MTOR: variants seen among roughly 807,000 people sequenced by gnomAD.
MTOR encodes the protein serine/threonine-protein kinase mTOR.
A neutral mutation model predicts 319.8 loss-of-function variants in MTOR; 70 were observed. The observed-to-expected ratio is 0.22, with a 90% CI of 0.18 to 0.27. MTOR has a LOEUF of 0.27. MTOR is among the 10% of genes least tolerant of loss of function. MTOR has a pLI of 1.00. For synonymous variants in MTOR, 1,183 were observed against 1,211.4 expected, an observed-to-expected ratio of 0.98 and a Z score of 0.49; for missense variants, 1,890 against 3,274.4, an observed-to-expected ratio of 0.58 and a Z score of 10.32.
At chr1:11,163,058 C>T (rs1185942152) in intron 29 of MTOR, among the ~76,000 whole-genome samples, 1 of 152,050 alleles carries the variant, frequency 6.6e-6, no homozygotes, top group Non-Finnish European at 1.5e-5. Context: ...TGCAGACACA[C>T]ACATAGGCTC....
chr1:11,182,799 A>G (rs144226021), intron 28 of MTOR, among the ~76,000 whole-genome samples: 83 of 152,354 alleles, frequency 5.4e-4, no homozygotes, highest in African/African-American at 1.9e-3. Flanking sequence ...ACGTCGCAAC[A>G]GCTTTTCCTT....
rs1648349403 is a variant in MTOR, at chr1:11,243,378, A to G, written c.1226-78T>C. 3.0e-6 allele frequency: 4 copies of G among 1,350,432 alleles called. 1 individual carries two copies. The South Asian group carries it at 5.3e-5, about 18-fold the overall frequency. The allele number at this position is 1,350,432 out of a possible 1,614,324, so 83.7% of individuals were successfully genotyped here. On this transcript the variant is annotated intron_variant, in intron 8 of 57. Coordinates refer to ENST00000361445, the MANE Select transcript of MTOR (RefSeq NM_004958.4). ...ATATCAACAGTCAAAGGTCCTATAA[A>G]GCAATTCAGTTTAAGAATAAATTAA...
At position 11,256,163 on chromosome 1, in the gene MTOR, G is replaced by A. The variant is rs1392232355; in HGVS notation, c.534C>T (p.Ser178=). ...CTTGCTGGAAGAAGAAGGTAGGGACGCTGATGGCCAGCTCACGGAGAACCA... is the reference window on the plus strand; with the variant it reads ...CTTGCTGGAAGAAGAAGGTAGGGACACTGATGGCCAGCTCACGGAGAACCA... The part of the protein sequence containing the change: ...AVLVLRELAI[S]VPTFFFQQVQ... Residue 178 remains serine (S), a synonymous_variant, in exon 5 of 58, where the codon AGC becomes AGT. Coordinates refer to ENST00000361445, the MANE Select transcript of MTOR (RefSeq NM_004958.4). The A allele has an allele frequency of 5.0e-6, 8 of 1,613,986 alleles. No individual in the cohort carries two copies. The highest frequency in any genetic ancestry group is 1.7e-5 in the Admixed American group (1 of 59,966).
chr1:11,196,868 A>G (rs946301361), intron 28 of MTOR, among the ~76,000 whole-genome samples: 1 of 152,036 alleles, frequency 6.6e-6, no homozygotes, highest in African/African-American at 2.4e-5. Context: ...AAAAAAGAAA[A>G]GAAAAGAAAA....
intron 28 of MTOR, among the ~76,000 whole-genome samples, chr1:11,192,701 C>A (rs556021096): frequency 1.4e-5 from 2 of 147,268 alleles, no homozygotes; most frequent in African/African-American, 5.0e-5. Context: ...GCCGAGATCA[C>A]GCCACTGCAC....
intron 29 of MTOR, among the ~76,000 whole-genome samples, chr1:11,162,560 A>G (rs1644509351): frequency 6.6e-6 from 1 of 152,250 alleles, no homozygotes; most frequent in Admixed American, 6.5e-5. Context: ...CACAAAGGGA[A>G]GCCCATCAGA....
chr1:11,195,277 T>C, intron 28 of MTOR: 1 of 407,180 alleles, frequency 2.5e-6, no homozygotes, highest in South Asian at 5.6e-5. Context: ...GTGGGGTCTC[T>C]CTGCCCAAGA....
At position 11,128,490 on chromosome 1, in the gene MTOR, G is replaced by A; in HGVS notation, c.5874C>T (p.His1958=). 1 of 1,614,202 alleles carries A rather than the reference G, an allele frequency of 6.2e-7. No homozygotes were observed. Among genetic ancestry groups the A allele is most frequent in the Non-Finnish European group, 8.5e-7 (1 of 1,180,048 alleles). ...TPRPLVGRLI[H]QLLTDIGRYH... ...ACCGACCAATGTCTGTGAGAAGCTG[G>A]TGAATGAGACGTCCCACCAAGGGTC... Residue 1958 remains histidine, a synonymous_variant, in exon 42 of 58, where the codon CAC becomes CAT. Coordinates refer to ENST00000361445, the MANE Select transcript of MTOR (RefSeq NM_004958.4). This position sits in a 1 kb window ranked among gnomAD's most constrained non-coding sequence, Gnocchi z 5.3.
At chr1:11,119,004 C>G (rs1431055268) in intron 49 of MTOR, among the ~76,000 whole-genome samples, 1 of 152,094 alleles carries the variant, frequency 6.6e-6, no homozygotes, top group African/African-American at 2.4e-5. Flanking sequence ...TCCCAAGTAG[C>G]TGAGACTACA....
chr1:11,141,848 A>G (rs1643723804), intron 34 of MTOR, among the ~76,000 whole-genome samples: 1 of 150,560 alleles, frequency 6.6e-6, no homozygotes, highest in Admixed American at 6.6e-5. Context: ...TAATAAAAAA[A>G]AAATTAGCCA....
chr1:11,189,466 G>T (rs1645436693), intron 28 of MTOR: 1 of 1,244,670 alleles, frequency 8.0e-7, no homozygotes, highest in Non-Finnish European at 1.1e-6. Flanking sequence ...AAGTGGCGAG[G>T]CCCTCAGAGT....
intron 47 of MTOR, 121 bp downstream of exon 47, chr1:11,124,377 C>G: frequency 7.6e-7 from 1 of 1,322,292 alleles, no homozygotes; most frequent in Non-Finnish European, 1.0e-6. Context: ...CATGAGTTAC[C>G]ATGCCTGGCT....
intron 19 of MTOR, among the ~76,000 whole-genome samples, chr1:11,219,215 A>C (rs1646578338): frequency 6.8e-6 from 1 of 147,014 alleles, no homozygotes; most frequent in Non-Finnish European, 1.5e-5. Context: ...CCCTGTTTCA[A>C]AAAAAAAAAA....
Position 11,150,178 on chromosome 1 carries a change from A to G in MTOR, c.4518T>C (p.Asp1506=). ...QCCEKWTLVN[D]ETQAKMARMA... is the part of the protein sequence containing the mutation. ...TCCGGGCCATCTTGGCTTGGGTCTC[A>G]TCATTAACCAGGGTCCACTTTTCAC... Residue 1506 remains aspartate, a synonymous_variant, in exon 31 of 58, where the codon GAT becomes GAC. Coordinates refer to ENST00000361445, the MANE Select transcript of MTOR (RefSeq NM_004958.4). The G allele has an allele frequency of 6.2e-7, 1 of 1,614,144 alleles. No homozygotes were observed. The highest frequency in any genetic ancestry group is 8.5e-7 in the Non-Finnish European group (1 of 1,180,016).
intron 54 of MTOR, among the ~76,000 whole-genome samples, chr1:11,111,308 A>C (rs777083664): frequency 2.6e-5 from 4 of 151,802 alleles, no homozygotes; most frequent in Non-Finnish European, 4.4e-5. Context: ...GTGAAACCCT[A>C]TCTCTACTAA....
chr1:11,110,608 C>G (rs1641811962), intron 54 of MTOR, among the ~76,000 whole-genome samples: 1 of 152,162 alleles, frequency 6.6e-6, no homozygotes, highest in Non-Finnish European at 1.5e-5. Flanking sequence ...GTCGGTCAAG[C>G]TGGTCTCAAA....
chr1:11,186,276 G>T (rs1334792606), intron 28 of MTOR, among the ~76,000 whole-genome samples: 2 of 152,026 alleles, frequency 1.3e-5, no homozygotes, highest in Non-Finnish European at 2.9e-5. Flanking sequence ...CTCCAACGGG[G>T]CATTTTCAAG....
At chr1:11,196,593 G>T in intron 28 of MTOR, among the ~76,000 whole-genome samples, 1 of 152,140 alleles carries the variant, frequency 6.6e-6, no homozygotes, top group Non-Finnish European at 1.5e-5. Context: ...GGTGGCTCAC[G>T]CCTGTAATCC....
chr1:11,190,134 CT>C (rs1419324976), intron 28 of MTOR, among the ~76,000 whole-genome samples: 1 of 152,170 alleles, frequency 6.6e-6, no homozygotes, highest in Non-Finnish European at 1.5e-5. Context: ...TACCTAACAC[CT>C]TCACGGGTCT....
Sources: allele counts gnomAD v4.1 joint callset (sites outside exome capture counted in the v4.1 genomes callset), GRCh38; gene constraint gnomAD v4.1.1; non-coding constraint Gnocchi (gnomAD v3.1); transcripts MANE v1.5; gene names NCBI Gene and HGNC (gene_info 2026-07-23, HGNC 2026-07-21).